The following SGCD variants were observed in gnomAD, a reference collection of about 807,000 sequenced individuals.
SGCD encodes the protein sarcoglycan delta.
In SGCD, 18 loss-of-function variants were observed where a neutral mutation model predicts 36.6. That is an observed-to-expected ratio of 0.49 (90% confidence interval 0.34 to 0.73). The LOEUF (loss-of-function observed/expected upper bound fraction) is 0.73. SGCD is among the 30% of genes least tolerant of loss of function. The pLI is 0.01. For missense variants in SGCD, 387 were observed against 346.7 expected, an observed-to-expected ratio of 1.12 and a Z score of -0.92; for synonymous variants, 133 against 130.6, an observed-to-expected ratio of 1.02 and a Z score of -0.12.
chr5:156,744,292 C>G (rs1409957388), intron 7 of SGCD, among the ~76,000 whole-genome samples: 1 of 152,250 alleles, frequency 6.6e-6, no homozygotes, highest in East Asian at 1.9e-4. Context: ...AATGCAGCAT[C>G]TGCCATACTC....
At chr5:155,942,827 A>T (rs1757357859) in intron 1 of SGCD, among the ~76,000 whole-genome samples, 1 of 152,216 alleles carries the variant, frequency 6.6e-6, no homozygotes, top group African/African-American at 2.4e-5. Flanking sequence ...GGCAACCCCA[A>T]GATAATCCAA....
At chr5:155,857,918 C>T in the SGCD span, among the ~76,000 whole-genome samples, 2 of 152,124 alleles carry the variant, frequency 1.3e-5, no homozygotes, top group African/African-American at 4.8e-5. Flanking sequence ...TTAAATCTAC[C>T]ATCTTACTAT....
At chr5:156,164,366 C>T (rs968527327) in intron 3 of SGCD, among the ~76,000 whole-genome samples, 1 of 147,798 alleles carries the variant, frequency 6.8e-6, no homozygotes, top group Non-Finnish European at 1.5e-5. Flanking sequence ...GATTTTTAAT[C>T]CACAGAATGT....
intron 1 of SGCD, among the ~76,000 whole-genome samples, chr5:155,930,017 T>G (rs902447739): frequency 6.6e-6 from 1 of 152,148 alleles, no homozygotes; most frequent in African/African-American, 2.4e-5. Context: ...CTCCCTGCTT[T>G]TCTGTGCTGA....
chr5:156,173,253 G>T (rs1439109273), intron 3 of SGCD, among the ~76,000 whole-genome samples: 1 of 151,972 alleles, frequency 6.6e-6, no homozygotes, highest in African/African-American at 2.4e-5. Flanking sequence ...AAAAATAAAT[G>T]GACAAAAAAT....
chr5:156,409,129 T>A (rs1772601333), intron 3 of SGCD, among the ~76,000 whole-genome samples: 1 of 152,218 alleles, frequency 6.6e-6, no homozygotes, highest in Non-Finnish European at 1.5e-5. Context: ...CATACTTGCT[T>A]TTTTTTACTT....
At chr5:156,045,993 A>G (rs1241042762) in intron 1 of SGCD, among the ~76,000 whole-genome samples, 1 of 152,160 alleles carries the variant, frequency 6.6e-6, no homozygotes, top group Admixed American at 6.6e-5. Flanking sequence ...TTAATTTTTT[A>G]AAATTATAAT....
chr5:155,886,306 T>A (rs567606378), intron 1 of SGCD, among the ~76,000 whole-genome samples: 73 of 152,316 alleles, frequency 4.8e-4, no homozygotes, highest in African/African-American at 1.7e-3. Context: ...TCTGTATCTA[T>A]CTATCTATTT....
intron 4 of SGCD, among the ~76,000 whole-genome samples, chr5:156,522,702 A>G (rs2113048269): frequency 6.6e-6 from 1 of 151,836 alleles, no homozygotes; most frequent in South Asian, 2.1e-4. Context: ...CCTACTTAAC[A>G]AACCTGTACA....
intron 3 of SGCD, among the ~76,000 whole-genome samples, chr5:156,146,304 C>T (rs142044614): frequency 1.5e-4 from 23 of 152,282 alleles, no homozygotes; most frequent in African/African-American, 5.3e-4. Context: ...TAGCATACTA[C>T]CTGGTTCTCC....
At chr5:156,501,223 C>A (rs1486412484) in intron 3 of SGCD, among the ~76,000 whole-genome samples, 11 of 152,172 alleles carry the variant, frequency 7.2e-5, no homozygotes. Flanking sequence ...CTTCTTGCCT[C>A]CTTTCCCAGC....
intron 6 of SGCD, among the ~76,000 whole-genome samples, chr5:156,641,336 A>G (rs953856638): frequency 1.3e-5 from 2 of 152,162 alleles, no homozygotes; most frequent in African/African-American, 2.4e-5. Context: ...AGAGACAAAA[A>G]CTATATCTCA....
intron 2 of SGCD, among the ~76,000 whole-genome samples, chr5:156,118,834 T>C (rs1761965737): frequency 6.6e-6 from 1 of 152,204 alleles, no homozygotes; most frequent in South Asian, 2.1e-4. Flanking sequence ...TTTATTTTGC[T>C]ATTCATCAGC....
At chr5:155,758,205 CAAAA>C in the SGCD span, among the ~76,000 whole-genome samples, 1 of 152,174 alleles carries the variant, frequency 6.6e-6, no homozygotes, top group African/African-American at 2.4e-5. Flanking sequence ...AAAAAGGAAA[CAAAA>C]CAAACAAACA....
At chr5:155,794,511 G>C in the SGCD span, among the ~76,000 whole-genome samples, 8 of 151,948 alleles carry the variant, frequency 5.3e-5, no homozygotes, top group African/African-American at 1.9e-4. Flanking sequence ...AATGAACATT[G>C]TAGAATTAAA....
chr5:156,146,014 C>T lies in SGCD; in HGVS notation c.-44+21995C>T, dbSNP rs1006019306. Among the ~76,000 whole-genome samples, 7 of 152,054 alleles carry T rather than the reference C, an allele frequency of 4.6e-5. No individual in the cohort carries two copies. The South Asian group carries it at 6.2e-4, about 14-fold the overall frequency. ...GGATCACGAGGTCAGGAGATCGAGA[C>T]CATCCTGGCTAACATGGTGAAACCC... On this transcript the variant is annotated intron_variant, in intron 3 of 9. Coordinates refer to the SGCD transcript ENST00000517913.
chr5:156,349,735 C>T (rs956117406), intron 3 of SGCD, among the ~76,000 whole-genome samples: 1 of 152,116 alleles, frequency 6.6e-6, no homozygotes, highest in Non-Finnish European at 1.5e-5. Flanking sequence ...AGTAATCTCA[C>T]TGCTGGGTAA....
intron 1 of SGCD, among the ~76,000 whole-genome samples, chr5:156,020,667 A>G (rs1227220320): frequency 6.6e-6 from 1 of 152,220 alleles, no homozygotes; most frequent in Non-Finnish European, 1.5e-5. Context: ...TCTTTACACC[A>G]CCACCCTCTG....
chr5:156,407,455 G>A (rs1025219749), intron 3 of SGCD, among the ~76,000 whole-genome samples: 5 of 152,168 alleles, frequency 3.3e-5, no homozygotes, highest in Admixed American at 1.3e-4. Context: ...GAGCCTAAGC[G>A]GGGGAGGGGA....
Sources: gnomAD v4.1 joint callset for allele counts (sites outside exome capture counted in the v4.1 genomes callset) on GRCh38, gnomAD v4.1.1 for gene constraint, MANE v1.5 for transcripts, NCBI Gene and HGNC (gene_info 2026-07-23, HGNC 2026-07-21) for gene names.